Variants in SPHKAP observed in about 807,000 individuals in gnomAD.
SPHKAP encodes the protein SPHK1 interactor, AKAP domain containing.
Under a neutral mutation model 137.5 loss-of-function variants are expected in SPHKAP, and 67 were observed. The ratio of observed to expected loss-of-function variants is 0.49; its 90% CI spans 0.40 to 0.60. The LOEUF (loss-of-function observed/expected upper bound fraction) is 0.60. Ranked by LOEUF, SPHKAP falls within the 20% of genes least tolerant of loss-of-function variation. The probability of loss-of-function intolerance (pLI) is 0.00; values close to 1 mark genes in which losing one functional copy is unlikely to be tolerated. For missense variants in SPHKAP, 2,097 were observed against 2,069.3 expected, an observed-to-expected ratio of 1.01 and a Z score of -0.26; for synonymous variants, 813 against 785.3, an observed-to-expected ratio of 1.04 and a Z score of -0.59.
At chr2:228,089,248 AC>A (rs1199192063) in intron 3 of SPHKAP, among the ~76,000 whole-genome samples, 2 of 152,224 alleles carry the variant, frequency 1.3e-5, no homozygotes, top group African/African-American at 2.4e-5. Context: ...CTAGCAAAGA[AC>A]TTGGCTGCAT....
At chr2:228,026,309 AATAATT>A (rs1302702484) in intron 4 of SPHKAP, among the ~76,000 whole-genome samples, 6 of 152,214 alleles carry the variant, frequency 3.9e-5, no homozygotes, top group African/African-American at 1.4e-4. Flanking sequence ...TGTGAATAAT[AATAATT>A]ATAATAAAAT....
chr2:228,029,803 A>T (rs1445405201), intron 3 of SPHKAP, among the ~76,000 whole-genome samples: 1 of 152,164 alleles, frequency 6.6e-6, no homozygotes, highest in Non-Finnish European at 1.5e-5. Flanking sequence ...TGCAGCTGGC[A>T]CTGGTGGTAT....
chr2:227,985,294 T>C (rs1693172964), intron 11 of SPHKAP, among the ~76,000 whole-genome samples: 1 of 152,156 alleles, frequency 6.6e-6, no homozygotes, highest in South Asian at 2.1e-4. Context: ...GACTTAATCT[T>C]GGATATTGAG....
intron 5 of SPHKAP, 70 bp from the exon 6 acceptor site, chr2:228,022,036 CT>C (rs1199484201): frequency 1.2e-5 from 17 of 1,475,392 alleles, no homozygotes; most frequent in Non-Finnish European, 1.4e-5. Context: ...CTGAGCTTTC[CT>C]TTTCCACCAA....
intron 7 of SPHKAP, among the ~76,000 whole-genome samples, chr2:227,999,935 G>T (rs1439011477): frequency 1.3e-5 from 2 of 152,144 alleles, no homozygotes; most frequent in African/African-American, 4.8e-5. Context: ...AGATTTTAGA[G>T]ACCATCTAGC....
Position 228,018,789 on chromosome 2 carries a change from T to C in SPHKAP, c.2065A>G (p.Ile689Val). Residue 689 changes from isoleucine (I) to valine (V), a missense_variant, in exon 7 of 12, where the codon ATA becomes GTA. By Grantham distance (29) the Ile-to-Val change is conservative (BLOSUM62 3). Coordinates refer to ENST00000392056, the MANE Select transcript of SPHKAP (RefSeq NM_001142644.2). ...SIDEVHHKNM[I>V]IDPNDNRHSS... ...TGCCTGTTGTCATTGGGGTCGATTA[T>C]CATATTTTTGTGGTGAACTTCATCA... The C allele has an allele frequency of 2.3e-5, 37 of 1,614,234 alleles. No individual in the cohort carries two copies. The highest frequency in any genetic ancestry group is 3.1e-5 in the Non-Finnish European group (37 of 1,180,038).
chr2:228,042,352 TTATTA>T (rs1302012381), intron 3 of SPHKAP, among the ~76,000 whole-genome samples: 2 of 152,152 alleles, frequency 1.3e-5, no homozygotes, highest in African/African-American at 4.8e-5. Flanking sequence ...ATTCTTACTA[TTATTA>T]TATATTTATT....
chr2:228,021,659 A>T, intron 6 of SPHKAP, 52 bp downstream of exon 6: 1 of 1,557,438 alleles, frequency 6.4e-7, no homozygotes, highest in Non-Finnish European at 8.7e-7. Context: ...TCTCACCAAG[A>T]CATTTTTATA....
In SPHKAP at chr2:228,018,662, C is replaced by T. The variant is rs371619496; in HGVS notation, c.2192G>A (p.Gly731Asp). Residue 731 changes from glycine (G) to aspartate (D), a missense_variant, in exon 7 of 12, where the codon GGT (glycine) becomes GAT (aspartate). Gly to Asp is a moderately conservative substitution (Grantham distance 94). Coordinates refer to ENST00000392056, the MANE Select transcript of SPHKAP (RefSeq NM_001142644.2). The part of the protein sequence containing the change: ...FKKMSHIVRL[G>D]ECPAVLSKET... The stretch of plus-strand genomic sequence containing the variant: ...CTTAGAAAGGACAGCAGGACATTCA[C>T]CAAGCCGTACAATATGACTCATCTT... 2.5e-6 allele frequency: 4 copies of T among 1,614,054 alleles called. No homozygotes were observed. The highest frequency in any genetic ancestry group is 2.7e-5 in the African/African-American group (2 of 74,906).
At chr2:228,083,692 A>G (rs1328031471) in intron 3 of SPHKAP, among the ~76,000 whole-genome samples, 1 of 152,218 alleles carries the variant, frequency 6.6e-6, no homozygotes, top group Non-Finnish European at 1.5e-5. Flanking sequence ...CCAAATGCCC[A>G]TCAGTGATAG....
At position 228,017,520 on chromosome 2, in the gene SPHKAP, T is replaced by TGCTGACCGGCTGGCTCA; in HGVS notation, c.3317_3333dup (p.Arg1112Ter). The TGCTGACCGGCTGGCTCA allele has an allele frequency of 1.9e-6, 3 of 1,613,320 alleles. No individual in the cohort carries two copies. Among genetic ancestry groups the TGCTGACCGGCTGGCTCA allele is most frequent in the Non-Finnish European group, 2.5e-6 (3 of 1,179,726 alleles). ...GACTGCTTGGAGACAGAGCTGGCCC[T>TGCTGACCGGCTGGCTCA]GCTGACCGGCTGGCTCAGCGTGCTC... On this transcript the variant is annotated stop_gained and frameshift_variant, in exon 7 of 12. Coordinates refer to ENST00000392056, the MANE Select transcript of SPHKAP (RefSeq NM_001142644.2). LOFTEE classifies it high-confidence loss of function.
chr2:228,050,925 G>A (rs560495395), intron 3 of SPHKAP, among the ~76,000 whole-genome samples: 2 of 152,074 alleles, frequency 1.3e-5, no homozygotes, highest in Non-Finnish European at 2.9e-5. Flanking sequence ...TCCCACCTTA[G>A]CCTCCTCAGT....
At chr2:227,983,433 T>G (rs947084124) in intron 11 of SPHKAP, among the ~76,000 whole-genome samples, 2 of 152,142 alleles carry the variant, frequency 1.3e-5, no homozygotes, top group East Asian at 3.9e-4. Context: ...TAAAGAGTGT[T>G]AGGATGTTGT....
rs1381882557 is a variant in SPHKAP, at chr2:228,132,039, C to T, written c.79G>A (p.Gly27Ser). The change falls in exon 2 of 12, where the codon GGC becomes AGC. Residue 27 changes from glycine to serine, a missense_variant. Coordinates refer to ENST00000392056, the MANE Select transcript of SPHKAP (RefSeq NM_001142644.2). Reference protein sequence around the residue: ...RMYDVLEPQQGRGCGSSGSGP... With the variant: ...RMYDVLEPQQSRGCGSSGSGP... Reference sequence around the variant, plus strand: ...CTTCCTGAGCTGCCACAGCCTCTGCCCTGCTGCGGTTCCAAAACGTCATAC... The same window carrying T: ...CTTCCTGAGCTGCCACAGCCTCTGCTCTGCTGCGGTTCCAAAACGTCATAC... 6.2e-7 allele frequency: 1 copy of T among 1,613,950 alleles called. No individual in the cohort carries two copies. The highest frequency in any genetic ancestry group is 8.5e-7 in the Non-Finnish European group (1 of 1,179,986).
chr2:228,001,049 GT>G (rs1290233144), intron 7 of SPHKAP, among the ~76,000 whole-genome samples: 1 of 151,976 alleles, frequency 6.6e-6, no homozygotes, highest in African/African-American at 2.4e-5. Flanking sequence ...CCAGCATCTG[GT>G]TTTGTCAGTA....
rs1700921121 is a variant in SPHKAP at position 228,181,665 on chromosome 2, C to T, written c.-67G>A. ...GAAGGATAAGTCTGTGGTGCTAGGA[C>T]CCAGCTCCCAGAGTGCCAGACTGGC... On this transcript the variant is annotated 5_prime_UTR_variant, in exon 1 of 12. Coordinates refer to ENST00000392056, the MANE Select transcript of SPHKAP (RefSeq NM_001142644.2). This position sits in a 1 kb window ranked among gnomAD's most constrained non-coding sequence, Gnocchi z 4.3. 1.8e-5 allele frequency: 29 copies of T among 1,613,896 alleles called. No homozygotes were observed. Among genetic ancestry groups the T allele is most frequent in the Non-Finnish European group, 2.4e-5 (28 of 1,179,894 alleles).
At chr2:228,112,350 C>G (rs2106351985) in intron 2 of SPHKAP, among the ~76,000 whole-genome samples, 1 of 152,254 alleles carries the variant, frequency 6.6e-6, no homozygotes, top group South Asian at 2.1e-4. Flanking sequence ...CTAAGAATCA[C>G]TTCTTAGTCA....
chr2:227,989,175 CA>C (rs1214895969), intron 11 of SPHKAP, among the ~76,000 whole-genome samples: 1 of 152,094 alleles, frequency 6.6e-6, no homozygotes, highest in Non-Finnish European at 1.5e-5. Context: ...TGCAATTACA[CA>C]GTTAAAAAAA....
chr2:228,045,356 C>T (rs1218492978), intron 3 of SPHKAP, among the ~76,000 whole-genome samples: 2 of 132,918 alleles, frequency 1.5e-5, no homozygotes, highest in Non-Finnish European at 3.2e-5. Context: ...CACAAATGTC[C>T]AACAATGATA....
Sources: allele counts gnomAD v4.1 joint callset (sites outside exome capture counted in the v4.1 genomes callset), GRCh38; gene constraint gnomAD v4.1.1; non-coding constraint Gnocchi (gnomAD v3.1); transcripts MANE v1.5; gene names NCBI Gene and HGNC (gene_info 2026-07-23, HGNC 2026-07-21).